SLC2A13: variants seen among roughly 807,000 people sequenced by gnomAD.
The protein encoded by SLC2A13 is solute carrier family 2 member 13.
A neutral mutation model predicts 64.4 loss-of-function variants in SLC2A13; 32 were observed. That is an observed-to-expected ratio of 0.50 (90% CI 0.37 to 0.67). The LOEUF is 0.67. Among genes scored for constraint, SLC2A13 ranks in the 30% least tolerant of loss-of-function variants. The pLI, the probability that SLC2A13 is intolerant of heterozygous loss-of-function variation, is 0.00. For synonymous variants in SLC2A13, 338 were observed against 327.1 expected (o/e 1.03, Z -0.36); for missense variants, 743 against 829.2 (o/e 0.90, Z 1.28).
At chr12:39,951,221 A>C (rs1946223079) in intron 4 of SLC2A13, 36 bp downstream of exon 4, 1 of 1,551,766 alleles carries the variant, frequency 6.4e-7, no homozygotes, top group Non-Finnish European at 8.9e-7. Flanking sequence ...ATCCTTTCAC[A>C]ATCTTTTCAG....
At chr12:39,842,560 C>G (rs1023465618) in intron 6 of SLC2A13, among the ~76,000 whole-genome samples, 7 of 151,984 alleles carry the variant, frequency 4.6e-5, no homozygotes, top group Non-Finnish European at 1.0e-4. Context: ...AAAATGGAGG[C>G]AGAAAGTTCT....
chr12:40,093,894 G>T (rs1006051182), intron 1 of SLC2A13, among the ~76,000 whole-genome samples: 1 of 152,230 alleles, frequency 6.6e-6, no homozygotes, highest in Non-Finnish European at 1.5e-5. Context: ...GGGGCTTTGG[G>T]CAGAGAAGTG....
At chr12:40,003,132 A>C (rs1947347474) in intron 3 of SLC2A13, among the ~76,000 whole-genome samples, 1 of 152,212 alleles carries the variant, frequency 6.6e-6, no homozygotes, top group Non-Finnish European at 1.5e-5. Context: ...GTAAATATGG[A>C]CATTTATACA....
At chr12:39,971,997 A>T (rs75991697) in intron 3 of SLC2A13, among the ~76,000 whole-genome samples, 46,366 of 76,930 alleles carry the variant, frequency 0.6, 11,896 homozygotes, top group South Asian at 0.77. Context: ...AAAAAAAAAA[A>T]ATATATATAT....
At position 40,105,658 on chromosome 12, in the gene SLC2A13, G is replaced by C. The variant is rs1232718331; in HGVS notation, c.151C>G (p.Leu51Val). 3 of 1,495,512 alleles carry C rather than the reference G, an allele frequency of 2.0e-6. No homozygotes were observed. Among genetic ancestry groups the C allele is most frequent in the Non-Finnish European group, 2.7e-6 (3 of 1,124,672 alleles). 92.6% of individuals were successfully genotyped at this position (1,495,512 alleles called of 1,614,324 possible). A position where few individuals can be genotyped will look rare whatever the true frequency, so the allele number is the denominator to read the frequency against. Reference sequence around the variant, plus strand: ...CCGCCGCCCGCGCCCGCGCTCTGCAGGCTGGTGCTCGATTCGGCGGCAGCC... The same window carrying C: ...CCGCCGCCCGCGCCCGCGCTCTGCACGCTGGTGCTCGATTCGGCGGCAGCC... ...LLAAAESSTSLQSAGAGGGGV... is the reference protein window; with the variant it reads ...LLAAAESSTSVQSAGAGGGGV... The change falls in exon 1 of 10, where the codon CTG becomes GTG. Residue 51 changes from leucine (L) to valine (V), a missense_variant. Physicochemically the swap from Leu to Val is conservative, Grantham distance 32. Transcript: ENST00000280871. This position sits in a 1 kb window ranked among gnomAD's most constrained non-coding sequence, Gnocchi z 4.2.
chr12:39,893,837 A>G (rs914102635), intron 4 of SLC2A13, among the ~76,000 whole-genome samples: 1 of 152,236 alleles, frequency 6.6e-6, no homozygotes, highest in African/African-American at 2.4e-5. Context: ...GATTCTGTTA[A>G]TAAGTGAAAA....
chr12:39,796,183 A>T (rs1941568094), intron 7 of SLC2A13, among the ~76,000 whole-genome samples: 1 of 152,216 alleles, frequency 6.6e-6, no homozygotes, highest in Admixed American at 6.5e-5. Flanking sequence ...AAGGTTATGC[A>T]TGGCAATTTT....
At chr12:40,040,992 C>T (rs1034551664) in intron 2 of SLC2A13, among the ~76,000 whole-genome samples, 4 of 151,992 alleles carry the variant, frequency 2.6e-5, no homozygotes, top group Admixed American at 2.0e-4. Flanking sequence ...CTAGCTGTGT[C>T]ACCCAGGCTG....
At chr12:39,980,901 CA>C (rs1226862940) in intron 3 of SLC2A13, among the ~76,000 whole-genome samples, 1 of 151,692 alleles carries the variant, frequency 6.6e-6, no homozygotes, top group African/African-American at 2.4e-5. Flanking sequence ...ACACCTATTC[CA>C]AAATTGACCA....
At chr12:39,961,980 T>C (rs544752064) in intron 3 of SLC2A13, among the ~76,000 whole-genome samples, 3 of 152,272 alleles carry the variant, frequency 2.0e-5, no homozygotes, top group African/African-American at 4.8e-5. Context: ...ATATACCCCA[T>C]AAATATGGGG....
chr12:40,031,432 A>G (rs1947903640), intron 2 of SLC2A13, among the ~76,000 whole-genome samples: 2 of 152,212 alleles, frequency 1.3e-5, no homozygotes, highest in South Asian at 4.1e-4. Flanking sequence ...AATATCAGCC[A>G]GGCTGGTCTC....
intron 7 of SLC2A13, among the ~76,000 whole-genome samples, chr12:39,801,730 C>T (rs1941798574): frequency 6.6e-6 from 1 of 152,114 alleles, no homozygotes; most frequent in Non-Finnish European, 1.5e-5. Context: ...GATTCAGTTT[C>T]CTCATCTATA....
At chr12:39,792,548 A>C (rs1232577186) in intron 7 of SLC2A13, among the ~76,000 whole-genome samples, 1 of 152,134 alleles carries the variant, frequency 6.6e-6, no homozygotes, top group Non-Finnish European at 1.5e-5. Context: ...TGGGCAGCAC[A>C]ATTCTAGATA....
chr12:39,972,029 A>AAT (rs1180132583), intron 3 of SLC2A13, among the ~76,000 whole-genome samples: 6,628 of 88,198 alleles, frequency 0.075, 347 homozygotes, highest in Middle Eastern at 0.2. Flanking sequence ...TTTTTATATA[A>AAT]ATATATATAT....
intron 4 of SLC2A13, among the ~76,000 whole-genome samples, chr12:39,923,296 C>A (rs926543202): frequency 2.0e-5 from 3 of 152,098 alleles, no homozygotes; most frequent in Non-Finnish European, 4.4e-5. Flanking sequence ...TGTGGTAATC[C>A]ATGCAATGTA....
chr12:39,817,167 A>G (rs969050452), intron 7 of SLC2A13, among the ~76,000 whole-genome samples: 1 of 152,222 alleles, frequency 6.6e-6, no homozygotes, highest in Non-Finnish European at 1.5e-5. Flanking sequence ...AAAGTGTACT[A>G]ATTTCTTTGA....
In SLC2A13 at chr12:39,991,880, C is replaced by T. The variant is rs761131759; in HGVS notation, c.925+36421G>A. 1.8e-4 allele frequency among the ~76,000 whole-genome samples: 28 copies of T among 152,204 alleles called. No homozygotes were observed. The South Asian group carries it at 2.3e-3, about 12-fold the overall frequency. On this transcript the variant is annotated intron_variant, in intron 3 of 9. Transcript: ENST00000280871. ...TAAAATCAAAAGCTTTTATAGCTCA[C>T]CCATCCTGCCCTTATAGCTCACACA...
At chr12:39,842,634 A>G (rs1380130743) in intron 6 of SLC2A13, among the ~76,000 whole-genome samples, 1 of 152,048 alleles carries the variant, frequency 6.6e-6, no homozygotes, top group Non-Finnish European at 1.5e-5. Context: ...CTGAGATAAA[A>G]TTCATATAAA....
intron 3 of SLC2A13, among the ~76,000 whole-genome samples, chr12:39,951,677 C>A (rs1446963314): frequency 1.3e-5 from 2 of 152,196 alleles, no homozygotes; most frequent in Non-Finnish European, 2.9e-5. Flanking sequence ...TCCCTACAAG[C>A]TCTAGAGATT....
Sources: gnomAD v4.1 joint callset for allele counts (sites outside exome capture counted in the v4.1 genomes callset) on GRCh38, gnomAD v4.1.1 for gene constraint, Gnocchi (gnomAD v3.1) non-coding constraint, MANE v1.5 for transcripts, NCBI Gene and HGNC (gene_info 2026-07-23, HGNC 2026-07-21) for gene names.